The following TINAG variants were observed in gnomAD, a reference collection of about 807,000 sequenced individuals.
TINAG encodes tubulointerstitial nephritis antigen.
A neutral mutation model predicts 72.7 loss-of-function variants in TINAG; 83 were observed. The observed-to-expected ratio is 1.14, with a 90% CI of 0.96 to 1.37. The LOEUF (loss-of-function observed/expected upper bound fraction) is 1.37. Among genes scored for constraint, TINAG ranks in the 40% most tolerant of loss-of-function variants. TINAG has a pLI of 0.00. For synonymous variants in TINAG, 234 were observed against 189.9 expected, an observed-to-expected ratio of 1.23 and a Z score of -1.91; for missense variants, 685 against 576.6, an observed-to-expected ratio of 1.19 and a Z score of -1.93.
intron 6 of TINAG, 100 bp downstream of exon 6, chr6:54,347,617 A>G (rs972014350): frequency 8.4e-7 from 1 of 1,191,254 alleles, no homozygotes; most frequent in Admixed American, 2.6e-5. Flanking sequence ...AAAGTACTTA[A>G]AAATATATAT....
At chr6:54,363,837 G>A (rs1371942929) in intron 9 of TINAG, among the ~76,000 whole-genome samples, 1 of 151,494 alleles carries the variant, frequency 6.6e-6, no homozygotes, top group Non-Finnish European at 1.5e-5. Flanking sequence ...AGTTGCTAAT[G>A]TAGGGTTTCT....
chr6:54,310,691 CT>C (rs1335141749), intron 1 of TINAG, among the ~76,000 whole-genome samples: 2 of 112,240 alleles, frequency 1.8e-5, no homozygotes, highest in African/African-American at 3.3e-5. Context: ...TTTCTTTCTT[CT>C]TTTTTCTCTC....
intron 4 of TINAG, among the ~76,000 whole-genome samples, chr6:54,330,543 G>A (rs931106400): frequency 6.6e-6 from 1 of 152,068 alleles, no homozygotes; most frequent in Non-Finnish European, 1.5e-5. Context: ...ACAGTTAAAA[G>A]AACTAGAGAA....
At chr6:54,309,412 T>C (rs992630534) in intron 1 of TINAG, among the ~76,000 whole-genome samples, 6 of 152,276 alleles carry the variant, frequency 3.9e-5, no homozygotes, top group Admixed American at 3.9e-4. Context: ...ATAAAGTCAG[T>C]CACCCGCTCT....
rs776126511 is a variant in TINAG, at chr6:54,343,362, T to C, written c.748+13T>C. On this transcript the variant is annotated intron_variant, in intron 5 of 10. Transcript: ENST00000259782. ...TTTTCCACTGCAAGTAATAAAGTCA[T>C]TTTAATTCCTTCCTTATAAACTACT... The C allele has an allele frequency of 1.3e-6, 2 of 1,504,626 alleles. No individual in the cohort carries two copies. Among genetic ancestry groups the C allele is most frequent in the Admixed American group, 4.0e-5 (2 of 50,572 alleles). The allele number at this position is 1,504,626 out of a possible 1,614,324, so 93.2% of individuals were successfully genotyped here. A position where few individuals can be genotyped will look rare whatever the true frequency, so the allele number is the denominator to read the frequency against.
intron 5 of TINAG, among the ~76,000 whole-genome samples, chr6:54,345,665 C>T (rs931612025): frequency 6.6e-6 from 1 of 152,046 alleles, no homozygotes; most frequent in Non-Finnish European, 1.5e-5. Flanking sequence ...TTTCTTGAGA[C>T]TATCAGAAGT....
intron 9 of TINAG, among the ~76,000 whole-genome samples, chr6:54,380,168 A>G (rs1763903369): frequency 6.6e-6 from 1 of 152,010 alleles, no homozygotes; most frequent in South Asian, 2.1e-4. Context: ...TTTTCTTTCC[A>G]GTCTATCATT....
chr6:54,348,573 T>A (rs185783260), intron 6 of TINAG, among the ~76,000 whole-genome samples: 1 of 152,188 alleles, frequency 6.6e-6, no homozygotes, highest in Non-Finnish European at 1.5e-5. Context: ...GATGGACACC[T>A]TCTCACAGTG....
chr6:54,313,338 G>T (rs907581405), intron 1 of TINAG, among the ~76,000 whole-genome samples: 7 of 152,088 alleles, frequency 4.6e-5, no homozygotes, highest in African/African-American at 1.7e-4. Flanking sequence ...TTCTAATAGT[G>T]ACAAGATTGG....
chr6:54,321,365 A>C lies in TINAG; in HGVS notation c.488A>C (p.Gln163Pro). ...CTTGTTCGTTCAGAATTAATTGAAC[A>C]GGTCAATAAAGGAGACTATGGGTGA... ...VCLVRSELIE[Q>P]VNKGDYGWTA... The change falls in exon 3 of 11, where the codon CAG becomes CCG. Residue 163 changes from glutamine to proline, a missense_variant. Coordinates refer to ENST00000259782, the MANE Select transcript of TINAG (RefSeq NM_014464.4). 6.2e-7 allele frequency: 1 copy of C among 1,612,772 alleles called. No individual in the cohort carries two copies. Among genetic ancestry groups the C allele is most frequent in the Non-Finnish European group, 8.5e-7 (1 of 1,178,958 alleles).
chr6:54,321,258 A>G (rs766503760), intron 2 of TINAG, 39 bp from the exon 3 acceptor site: 11 of 1,520,672 alleles, frequency 7.2e-6, no homozygotes, highest in Non-Finnish European at 1.0e-5. Flanking sequence ...TATACTTCAT[A>G]AAGACCAAGC....
chr6:54,372,364 G>T (rs1763645513), intron 9 of TINAG, among the ~76,000 whole-genome samples: 2 of 152,002 alleles, frequency 1.3e-5, no homozygotes, highest in Non-Finnish European at 2.9e-5. Flanking sequence ...TTAGCCCCTG[G>T]TACAGTGCTA....
intron 10 of TINAG, among the ~76,000 whole-genome samples, chr6:54,384,591 T>C (rs1295493164): frequency 2.0e-5 from 3 of 152,112 alleles, no homozygotes; most frequent in Non-Finnish European, 4.4e-5. Flanking sequence ...AATAATAATA[T>C]TGATAATGAT....
intron 6 of TINAG, among the ~76,000 whole-genome samples, chr6:54,347,791 G>A (rs1177290989): frequency 6.6e-6 from 1 of 151,884 alleles, no homozygotes; most frequent in Admixed American, 6.6e-5. Flanking sequence ...TTTTCTTTTT[G>A]TTGTTCTGAG....
chr6:54,322,825 T>A (rs1204408983), intron 3 of TINAG, among the ~76,000 whole-genome samples: 4 of 152,248 alleles, frequency 2.6e-5, no homozygotes, highest in Non-Finnish European at 5.9e-5. Flanking sequence ...TATAATTTTC[T>A]GTGGCAAATC....
intron 9 of TINAG, chr6:54,367,065 T>C (rs746631039): frequency 6.6e-6 from 1 of 151,780 alleles, no homozygotes; most frequent in Non-Finnish European, 1.5e-5. Flanking sequence ...CATTCTTCCA[T>C]TGTTTCTATA....
chr6:54,369,532 T>C (rs182443109), intron 9 of TINAG, among the ~76,000 whole-genome samples: 1 of 151,918 alleles, frequency 6.6e-6, no homozygotes, highest in African/African-American at 2.4e-5. Flanking sequence ...AGAATCTTGT[T>C]ATTAAGGTAC....
At chr6:54,368,751 C>A (rs1254616228) in intron 9 of TINAG, among the ~76,000 whole-genome samples, 1 of 151,590 alleles carries the variant, frequency 6.6e-6, no homozygotes, top group East Asian at 1.9e-4. Flanking sequence ...AAAAACAAAA[C>A]AAAAACCTCA....
At chr6:54,382,000 T>G (rs903533818) in intron 10 of TINAG, among the ~76,000 whole-genome samples, 1 of 152,092 alleles carries the variant, frequency 6.6e-6, no homozygotes, top group Admixed American at 6.6e-5. Flanking sequence ...AGTGTATATG[T>G]GTACACACAC....
Sources: gnomAD v4.1 joint callset for allele counts (sites outside exome capture counted in the v4.1 genomes callset) on GRCh38, gnomAD v4.1.1 for gene constraint, MANE v1.5 for transcripts, NCBI Gene and HGNC (gene_info 2026-07-23, HGNC 2026-07-21) for gene names.